The following EEF2KMT variants were observed in gnomAD, a reference collection of about 807,000 sequenced individuals.
EEF2KMT encodes the protein eukaryotic elongation factor 2 lysine methyltransferase.
In EEF2KMT, 30 loss-of-function variants were observed where a neutral mutation model predicts 35.1. That is an observed-to-expected ratio of 0.85 (90% CI 0.64 to 1.16). The LOEUF (loss-of-function observed/expected upper bound fraction) is 1.16, where lower values mean the gene tolerates loss of function less well. Among genes scored for constraint, EEF2KMT ranks in the 50% most tolerant of loss-of-function variants. The pLI is 0.00. For synonymous variants in EEF2KMT, 190 were observed against 187.7 expected, an observed-to-expected ratio of 1.01 and a Z score of -0.10; for missense variants, 499 against 438.2, an observed-to-expected ratio of 1.14 and a Z score of -1.24.
intron 7 of EEF2KMT, among the ~76,000 whole-genome samples, chr16:5,087,906 A>G (rs1193395152): frequency 2.7e-5 from 4 of 145,776 alleles, no homozygotes; most frequent in African/African-American, 7.6e-5. Flanking sequence ...TCACGTAAGT[A>G]TCTGAAGAAA....
At position 5,089,102 on chromosome 16, in the gene EEF2KMT, C is replaced by T. The variant is rs762358553; in HGVS notation, c.892+5G>A. The T allele has an allele frequency of 8.7e-5, 141 of 1,612,352 alleles. No homozygotes were observed. Among genetic ancestry groups the T allele is most frequent in the East Asian group, 4.9e-4 (22 of 44,886 alleles). ...ATGCAGGCCCGGGTGGGCGTGGAGG[C>T]TCACCTAGCTCGGTGGTGAACAGCT... On this transcript the variant is annotated splice_donor_5th_base_variant and intron_variant, in intron 7 of 7. Transcript: ENST00000427587.
At chr16:5,089,942 C>A in intron 6 of EEF2KMT, 142 bp downstream of exon 6, 1 of 1,442,814 alleles carries the variant, frequency 6.9e-7, no homozygotes, top group South Asian at 1.4e-5. Flanking sequence ...TGTGATGTCA[C>A]CCTGGAGGCC....
chr16:5,093,121 C>T (rs1036824220), intron 3 of EEF2KMT, among the ~76,000 whole-genome samples: 7 of 152,202 alleles, frequency 4.6e-5, no homozygotes, highest in African/African-American at 7.2e-5. Context: ...AACCCAGAGA[C>T]GGACAAGAGC....
intron 7 of EEF2KMT, among the ~76,000 whole-genome samples, chr16:5,088,558 G>T (rs575774248): frequency 6.6e-6 from 1 of 152,156 alleles, no homozygotes; most frequent in Non-Finnish European, 1.5e-5. Flanking sequence ...GTGTGTCCTA[G>T]TGTCTTTGTT....
chr16:5,086,681 T>C (rs1021454465), intron 7 of EEF2KMT: 5 of 152,098 alleles, frequency 3.3e-5, no homozygotes, highest in African/African-American at 1.2e-4. Flanking sequence ...TCTTTTATTA[T>C]TTGTTTTTAG....
intron 6 of EEF2KMT, 107 bp from the exon 7 acceptor site, chr16:5,089,363 G>C (rs545516332): frequency 1.5e-4 from 212 of 1,450,074 alleles, no homozygotes; most frequent in Non-Finnish European, 1.9e-4. Flanking sequence ...TATGAGACTA[G>C]TAGATGCCAT....
At chr16:5,088,625 A>G (rs965413961) in intron 7 of EEF2KMT, among the ~76,000 whole-genome samples, 2 of 152,112 alleles carry the variant, frequency 1.3e-5, no homozygotes, top group African/African-American at 2.4e-5. Context: ...GACAAATGTC[A>G]GGTCTGAGGA....
At chr16:5,097,325 T>C (rs1282333144) in intron 1 of EEF2KMT, 2 of 1,392,306 alleles carry the variant, frequency 1.4e-6, no homozygotes, top group Middle Eastern at 2.7e-4. Context: ...CGAGGGCAGC[T>C]GTGTCCCAGT....
At chr16:5,092,319 CA>C (rs1406031461) in intron 3 of EEF2KMT, among the ~76,000 whole-genome samples, 1 of 152,168 alleles carries the variant, frequency 6.6e-6, no homozygotes, top group African/African-American at 2.4e-5. Flanking sequence ...AGGAGGAAAA[CA>C]AAAGGTGCTT....
intron 1 of EEF2KMT, 100 bp downstream of exon 1, chr16:5,097,544 A>G (rs932469725): frequency 2.0e-6 from 3 of 1,504,864 alleles, no homozygotes; most frequent in Non-Finnish European, 2.7e-6. Context: ...CCAGGAACTC[A>G]CGTGGCGGGA....
intron 4 of EEF2KMT, 130 bp downstream of exon 4, chr16:5,091,664 G>C: frequency 6.8e-7 from 1 of 1,461,290 alleles, no homozygotes; most frequent in Non-Finnish European, 9.1e-7. Context: ...GGCTAAAGAA[G>C]GTTGACGGAC....
Position 5,085,341 on chromosome 16 carries a change from C to T in EEF2KMT, c.*291G>A. On this transcript the variant is annotated 3_prime_UTR_variant, in exon 8 of 8. Transcript: ENST00000427587. ...GTGTCCACGTTGGGGGAACATCATA[C>T]TTGATACACACGTTTTTATTTGCAC... 1 of 500,280 alleles carries T rather than the reference C, an allele frequency of 2.0e-6. No homozygotes were observed. Among genetic ancestry groups the T allele is most frequent in the Non-Finnish European group, 3.7e-6 (1 of 272,374 alleles). The allele number at this position is 500,280 out of a possible 1,614,324, so 31.0% of individuals were successfully genotyped here. A position where few individuals can be genotyped will look rare whatever the true frequency, so the allele number is the denominator to read the frequency against.
intron 2 of EEF2KMT, among the ~76,000 whole-genome samples, chr16:5,093,952 C>A (rs1243332236): frequency 6.6e-6 from 1 of 152,200 alleles, no homozygotes; most frequent in Non-Finnish European, 1.5e-5. Flanking sequence ...GAGTGTGTGT[C>A]CCTGGGGACA....
At chr16:5,088,997 G>A (rs1165530669) in intron 7 of EEF2KMT, 110 bp downstream of exon 7, 20 of 1,595,620 alleles carry the variant, frequency 1.3e-5, no homozygotes, top group Middle Eastern at 2.2e-4. Flanking sequence ...CATGGTGTGG[G>A]AGTGTGGGGC....
In EEF2KMT at chr16:5,091,914, A is replaced by G; in HGVS notation, c.241-19T>C. 6.2e-7 allele frequency: 1 copy of G among 1,611,368 alleles called. No homozygotes were observed. The highest frequency in any genetic ancestry group is 1.1e-5 in the South Asian group (1 of 90,948). On this transcript the variant is annotated intron_variant, in intron 3 of 7. Transcript: ENST00000427587. ...CCTCGTGCTGGGGGCAGACAGAGTGAGAGCTTGTTTGCTTTCGTTCTAATC... is the reference window on the plus strand; with the variant it reads ...CCTCGTGCTGGGGGCAGACAGAGTGGGAGCTTGTTTGCTTTCGTTCTAATC...
At chr16:5,092,262 T>C (rs143711280) in intron 3 of EEF2KMT, among the ~76,000 whole-genome samples, 74 of 151,996 alleles carry the variant, frequency 4.9e-4, no homozygotes, top group African/African-American at 1.3e-3. Flanking sequence ...TCCGTGAGAG[T>C]TGCCAGGTGA....
At chr16:5,094,075 G>A (rs533122903) in intron 2 of EEF2KMT, among the ~76,000 whole-genome samples, 1 of 152,210 alleles carries the variant, frequency 6.6e-6, no homozygotes, top group Admixed American at 6.5e-5. Context: ...CTCTGAGGTG[G>A]CCACAGCCTG....
rs866797064 is a variant in EEF2KMT, at chr16:5,097,420, C to A, written c.96+224G>T. 5.2e-5 allele frequency: 75 copies of A among 1,434,872 alleles called. No individual in the cohort carries two copies. The African/African-American group carries it at 9.8e-4, about 19-fold the overall frequency. The allele number at this position is 1,434,872 out of a possible 1,614,324, so 88.9% of individuals were successfully genotyped here. Reference sequence around the variant, plus strand: ...CCGAGCGCGCGTCTGCCCCCCAAGGCTGTGGAGACGCCCCCAGCTTCCCCC... The same window carrying A: ...CCGAGCGCGCGTCTGCCCCCCAAGGATGTGGAGACGCCCCCAGCTTCCCCC... On this transcript the variant is annotated intron_variant, in intron 1 of 7. Transcript: ENST00000427587.
chr16:5,090,157 C>T lies in EEF2KMT; in HGVS notation c.669G>A (p.Val223=). The change falls in exon 6 of 8, where the codon GTG becomes GTA. Residue 223 remains valine (V), a synonymous_variant. Coordinates refer to ENST00000427587, the MANE Select transcript of EEF2KMT (RefSeq NM_201400.4). The surrounding 1 kb of genome is among the most constrained non-coding windows in gnomAD (Gnocchi z 4.1). Reference sequence around the variant, plus strand: ...TCGCGACGTCCCAGTCCAGCTGGGCCACTGTCACCCTGGGGCTGTCTAACT... The same window carrying T: ...TCGCGACGTCCCAGTCCAGCTGGGCTACTGTCACCCTGGGGCTGTCTAACT... ...TAKLDSPRVT[V]AQLDWDVATV... is the part of the protein sequence containing the mutation. 6.2e-7 allele frequency: 1 copy of T among 1,611,406 alleles called. No individual in the cohort carries two copies.
Sources: allele counts gnomAD v4.1 joint callset (sites outside exome capture counted in the v4.1 genomes callset), GRCh38; gene constraint gnomAD v4.1.1; non-coding constraint Gnocchi (gnomAD v3.1); transcripts MANE v1.5; gene names NCBI Gene and HGNC (gene_info 2026-07-23, HGNC 2026-07-21).